PLEKHA3: variants seen among roughly 807,000 people sequenced by gnomAD.
PLEKHA3 encodes pleckstrin homology domain containing A3.
In PLEKHA3, 19 loss-of-function variants were observed where a neutral mutation model predicts 39.2. The ratio of observed to expected loss-of-function variants is 0.48; its 90% CI spans 0.34 to 0.71. The LOEUF is 0.71. Ranked by LOEUF, PLEKHA3 falls within the 30% of genes least tolerant of loss-of-function variation. The pLI, the probability that PLEKHA3 is intolerant of heterozygous loss-of-function variation, is 0.01. For synonymous variants in PLEKHA3, 97 were observed against 118.6 expected, an observed-to-expected ratio of 0.82 and a Z score of 1.18; for missense variants, 253 against 359.5, an observed-to-expected ratio of 0.70 and a Z score of 2.40.
In PLEKHA3 at chr2:178,510,290, A is replaced by G. The variant is rs554855056; in HGVS notation, c.*6403A>G. On this transcript the variant is annotated 3_prime_UTR_variant, in exon 8 of 8. Coordinates refer to ENST00000234453, the MANE Select transcript of PLEKHA3 (RefSeq NM_019091.4). ...GTTATAGTTACTTTAAAAGTTTTAA[A>G]AAGAGTATAACAATTTTGATGTGCT... 6.5e-6 allele frequency: 1 copy of G among 153,728 alleles called. No homozygotes were observed. The highest frequency in any genetic ancestry group is 1.5e-5 in the Non-Finnish European group (1 of 68,038). The allele number at this position is 153,728 out of a possible 1,614,324, so 9.5% of individuals were successfully genotyped here. A position where few individuals can be genotyped will look rare whatever the true frequency, so the allele number is the denominator to read the frequency against.
At chr2:178,500,309 GTATA>G (rs1014564183) in intron 6 of PLEKHA3, among the ~76,000 whole-genome samples, 1 of 152,046 alleles carries the variant, frequency 6.6e-6, no homozygotes, top group African/African-American at 2.4e-5. Context: ...ATCCAATGAT[GTATA>G]TATCCAACCT....
chr2:178,495,977 A>G (rs1383211728), intron 5 of PLEKHA3, among the ~76,000 whole-genome samples: 1 of 152,140 alleles, frequency 6.6e-6, no homozygotes, highest in Admixed American at 6.5e-5. Context: ...GGGGAGCTCT[A>G]TTCTGCTTGG....
chr2:178,505,638 T>A lies in PLEKHA3; in HGVS notation c.*1751T>A, dbSNP rs1393455451. 1 of 150,378 alleles carries A rather than the reference T, an allele frequency of 6.6e-6. No homozygotes were observed. Among genetic ancestry groups the A allele is most frequent in the East Asian group, 1.9e-4 (1 of 5,164 alleles). 9.3% of individuals were successfully genotyped at this position (150,378 alleles called of 1,614,324 possible). A position where few individuals can be genotyped will look rare whatever the true frequency, so the allele number is the denominator to read the frequency against. Reference sequence around the variant, plus strand: ...AGGTCAGGGTGCTATTGATTGGGAGTTTTTTCTGGTAGTGAGTTTTTTTGC... The same window carrying A: ...AGGTCAGGGTGCTATTGATTGGGAGATTTTTCTGGTAGTGAGTTTTTTTGC... On this transcript the variant is annotated 3_prime_UTR_variant, in exon 8 of 8. Coordinates refer to ENST00000234453, the MANE Select transcript of PLEKHA3 (RefSeq NM_019091.4).
Position 178,485,690 on chromosome 2 carries a change from T to C in PLEKHA3, c.90T>C (p.Tyr30=). ...TAGATAATGGAATCTTATCCTACTATGATTCACAAGATGATGTTTGCAAAG... is the reference window on the plus strand; with the variant it reads ...TAGATAATGGAATCTTATCCTACTACGATTCACAAGATGATGTTTGCAAAG... The part of the protein sequence containing the change: ...FVLDNGILSY[Y]DSQDDVCKGS... The change falls in exon 2 of 8, where the codon TAT becomes TAC. Residue 30 remains tyrosine (Y), a synonymous_variant. Transcript: ENST00000234453. 6.2e-7 allele frequency: 1 copy of C among 1,613,894 alleles called. No homozygotes were observed. The highest frequency in any genetic ancestry group is 1.1e-5 in the South Asian group (1 of 91,076).
At chr2:178,503,644 T>C in intron 7 of PLEKHA3, 116 bp from the exon 8 acceptor site, 1 of 1,093,850 alleles carries the variant, frequency 9.1e-7, no homozygotes, top group South Asian at 1.9e-5. Flanking sequence ...AATACAAAAT[T>C]AGCCAGAAGC....
Position 178,501,061 on chromosome 2 carries a change from G to T in PLEKHA3, c.660G>T (p.Arg220Ser). Residue 220 changes from arginine (R) to serine (S), a missense_variant and splice_region_variant, in exon 7 of 8, where the codon AGG becomes AGT. Coordinates refer to ENST00000234453, the MANE Select transcript of PLEKHA3 (RefSeq NM_019091.4). ...TTAATGCTTTTTACTTAATTTGCAG[G>T]AGTAGCCACTCTATAAAAGAACCAG... ...VSHPGSCSSE[R>S]SSHSIKEPVS... The T allele has an allele frequency of 6.2e-7, 1 of 1,605,272 alleles. No homozygotes were observed. Among genetic ancestry groups the T allele is most frequent in the South Asian group, 1.1e-5 (1 of 90,098 alleles).
At chr2:178,485,906 C>T (rs1026409694) in intron 2 of PLEKHA3, 149 bp downstream of exon 2, 4 of 575,096 alleles carry the variant, frequency 7.0e-6, no homozygotes, top group African/African-American at 3.7e-5. Context: ...GGCATTTCAT[C>T]ACAGTTAACA....
chr2:178,490,859 A>T, intron 3 of PLEKHA3, 45 bp downstream of exon 3: 1 of 1,458,998 alleles, frequency 6.9e-7, no homozygotes, highest in Non-Finnish European at 9.2e-7. Flanking sequence ...TTTCTTAAAT[A>T]TAAATATAAA....
chr2:178,501,724 C>T (rs1156694713), intron 7 of PLEKHA3, among the ~76,000 whole-genome samples: 1 of 151,826 alleles, frequency 6.6e-6, no homozygotes, highest in Non-Finnish European at 1.5e-5. Context: ...TTAAATTTTT[C>T]TCTTCAGAGA....
chr2:178,489,989 A>G (rs1685318547), intron 2 of PLEKHA3, among the ~76,000 whole-genome samples: 2 of 152,176 alleles, frequency 1.3e-5, no homozygotes, highest in African/African-American at 2.4e-5. Flanking sequence ...AGCTGAGTAA[A>G]TATTTGTTGA....
intron 2 of PLEKHA3, among the ~76,000 whole-genome samples, chr2:178,487,341 G>A (rs1326626183): frequency 6.6e-6 from 1 of 152,262 alleles, no homozygotes; most frequent in Admixed American, 6.5e-5. Context: ...TACAAGGATG[G>A]AGAAGGAAGC....
rs1164442882 is a variant in PLEKHA3, at chr2:178,480,538, A to AGCGCCGGG, written c.-324_-317dup. 9.7e-6 allele frequency: 2 copies of AGCGCCGGG among 205,444 alleles called. No homozygotes were observed. The highest frequency in any genetic ancestry group is 1.0e-4 in the East Asian group (1 of 9,592). The allele number at this position is 205,444 out of a possible 1,614,324, so 12.7% of individuals were successfully genotyped here. ...GAAGGAAGGCAGGCGAGGAAGAGGC[A>AGCGCCGGG]GCGCCGGGGCGCCGGAGGGAGCAGC... On this transcript the variant is annotated 5_prime_UTR_variant, in exon 1 of 8. An upstream open reading frame in the 5' UTR loses its in-frame stop. Coordinates refer to ENST00000234453, the MANE Select transcript of PLEKHA3 (RefSeq NM_019091.4).
chr2:178,496,514 T>TTA (rs3835921), intron 5 of PLEKHA3, among the ~76,000 whole-genome samples: 46,116 of 151,924 alleles, frequency 0.3, 9,202 homozygotes, highest in East Asian at 0.65. Context: ...GCAAATTTAG[T>TTA]TATGAGATTT....
At chr2:178,488,367 C>T (rs1021618967) in intron 2 of PLEKHA3, among the ~76,000 whole-genome samples, 2 of 152,146 alleles carry the variant, frequency 1.3e-5, no homozygotes, top group Non-Finnish European at 2.9e-5. Context: ...TTATTGGATC[C>T]TTTTATGACC....
At position 178,514,483 on chromosome 2, in the gene PLEKHA3, T is replaced by C. The variant is rs1328683818; in HGVS notation, c.*10596T>C. ...GATTCCCTGTTTTCTGTTTTCACTATCCAACTAGGATGAACTCTTAAGTTC... is the reference window on the plus strand; with the variant it reads ...GATTCCCTGTTTTCTGTTTTCACTACCCAACTAGGATGAACTCTTAAGTTC... On this transcript the variant is annotated 3_prime_UTR_variant, in exon 8 of 8. Transcript: ENST00000234453. 1.3e-5 allele frequency: 2 copies of C among 152,154 alleles called. No homozygotes were observed. The highest frequency in any genetic ancestry group is 2.9e-5 in the Non-Finnish European group (2 of 68,020). 9.4% of individuals were successfully genotyped at this position (152,154 alleles called of 1,614,324 possible).
intron 1 of PLEKHA3, among the ~76,000 whole-genome samples, chr2:178,482,523 A>T (rs1378885750): frequency 2.7e-5 from 4 of 147,960 alleles, no homozygotes; most frequent in Admixed American, 6.8e-5. Context: ...CACACACTTC[A>T]GCCTGGCTAA....
chr2:178,513,420 T>C lies in PLEKHA3; in HGVS notation c.*9533T>C, dbSNP rs573882848. 6.6e-6 allele frequency: 1 copy of C among 152,334 alleles called. No individual in the cohort carries two copies. Among genetic ancestry groups the C allele is most frequent in the South Asian group, 2.1e-4 (1 of 4,832 alleles). 9.4% of individuals were successfully genotyped at this position (152,334 alleles called of 1,614,324 possible). ...GAACAATTCTGACCCCTATTATTGT[T>C]GGCTGGACAGGCATTTTCTTTTTAA... is the stretch of plus-strand genomic sequence containing the variant. On this transcript the variant is annotated 3_prime_UTR_variant, in exon 8 of 8. Transcript: ENST00000234453.
intron 1 of PLEKHA3, among the ~76,000 whole-genome samples, chr2:178,482,790 G>A (rs1685191620): frequency 2.0e-5 from 3 of 152,100 alleles, no homozygotes; most frequent in Admixed American, 2.0e-4. Context: ...TCTTTGCAGG[G>A]CATTTAGTCA....
At chr2:178,480,968 G>T in intron 1 of PLEKHA3, 59 bp downstream of exon 1, 1 of 1,288,632 alleles carries the variant, frequency 7.8e-7, no homozygotes, top group Non-Finnish European at 1.0e-6. Context: ...TGAGAAGGCG[G>T]GTCGGGGCTC....
Sources: gnomAD v4.1 joint callset for allele counts (sites outside exome capture counted in the v4.1 genomes callset) on GRCh38, gnomAD v4.1.1 for gene constraint, MANE v1.5 for transcripts, NCBI Gene and HGNC (gene_info 2026-07-23, HGNC 2026-07-21) for gene names.